The following KIF13A variants were observed in gnomAD, a reference collection of about 807,000 sequenced individuals.
The protein encoded by KIF13A is kinesin family member 13A, also known as kinesin-like protein KIF13A.
In KIF13A, 79 loss-of-function variants were observed where a neutral mutation model predicts 212.2. The observed-to-expected ratio is 0.37, with a 90% CI of 0.31 to 0.45. KIF13A has a LOEUF of 0.45. Among genes scored for constraint, KIF13A ranks in the 20% least tolerant of loss-of-function variants. The pLI, the probability that KIF13A is intolerant of heterozygous loss-of-function variation, is 1.00. For missense variants in KIF13A, 1,901 were observed against 2,209.0 expected (o/e 0.86, Z 2.79); for synonymous variants, 789 against 808.6 (o/e 0.98, Z 0.41).
At chr6:17,831,275 T>G in intron 12 of KIF13A, 40 bp from the exon 13 acceptor site, 1 of 1,595,024 alleles carries the variant, frequency 6.3e-7, no homozygotes, top group Non-Finnish European at 8.5e-7. Context: ...ACTCTGTTTG[T>G]TGTTCTATTC....
At chr6:17,790,590 A>G (rs1048174040) in intron 25 of KIF13A, among the ~76,000 whole-genome samples, 2 of 152,126 alleles carry the variant, frequency 1.3e-5, no homozygotes, top group African/African-American at 4.8e-5. Flanking sequence ...CTCTTGCCCA[A>G]TCTCAGTTTG....
rs957580986 is a variant in KIF13A, at chr6:17,934,231, C to T, written c.147-36051G>A. 1.3e-5 allele frequency among the ~76,000 whole-genome samples: 2 copies of T among 152,130 alleles called. No individual in the cohort carries two copies. Among genetic ancestry groups the T allele is most frequent in the African/African-American group, 4.8e-5 (2 of 41,418 alleles). On this transcript the variant is annotated intron_variant, in intron 2 of 38. Transcript: ENST00000259711. The surrounding 1 kb of genome is among the most constrained non-coding windows in gnomAD (Gnocchi z 5.4). ...TGTCTAATGGCCACAGGACATTGGC[C>T]TTCTTCAAATTCTTAAGTGACCTGT... is the stretch of plus-strand genomic sequence containing the variant.
chr6:17,766,159 C>T (rs968792769), intron 38 of KIF13A, among the ~76,000 whole-genome samples: 5 of 152,096 alleles, frequency 3.3e-5, no homozygotes. Flanking sequence ...GACCTGGAAC[C>T]GAAGCATCAG....
chr6:17,823,913 A>ATT (rs1297321390), intron 16 of KIF13A, among the ~76,000 whole-genome samples: 2 of 109,878 alleles, frequency 1.8e-5, no homozygotes, highest in African/African-American at 3.3e-5. Context: ...TTTAATTTAA[A>ATT]TTTCTTTTTT....
chr6:17,789,824 T>C lies in KIF13A; in HGVS notation c.3261+48A>G. 1 of 1,548,456 alleles carries C rather than the reference T, an allele frequency of 6.5e-7. No individual in the cohort carries two copies. Among genetic ancestry groups the C allele is most frequent in the Non-Finnish European group, 8.9e-7 (1 of 1,124,326 alleles). ...CCTCTGCTTTGCGAATGCTGGCAAT[T>C]AGCAGTAGCTGTGCCCCATGCCACA... On this transcript the variant is annotated intron_variant, in intron 26 of 38. Transcript: ENST00000259711. This position sits in a 1 kb window ranked among gnomAD's most constrained non-coding sequence, Gnocchi z 4.8.
In KIF13A at chr6:17,808,794, C is replaced by T. The variant is rs1442077923; in HGVS notation, c.2137G>A (p.Ala713Thr). ...TDYQVTLQIP[A>T]ANLSANRKRG... Reference sequence around the variant, plus strand: ...TTCCTATTGGCACTGAGGTTTGCAGCAGGGATCTGAAGAGTCACTTGGTAA... The same window carrying T: ...TTCCTATTGGCACTGAGGTTTGCAGTAGGGATCTGAAGAGTCACTTGGTAA... Residue 713 changes from alanine (A) to threonine (T), a missense_variant, in exon 18 of 39, where the codon GCT becomes ACT. Ala to Thr is a moderately conservative substitution (Grantham distance 58, BLOSUM62 0). Around this residue, in one of 5 missense-constraint regions of KIF13A, gnomAD observed 534 missense variants for 536.9 expected, o/e 0.99. Transcript: ENST00000259711. The T allele has an allele frequency of 6.2e-7, 1 of 1,613,644 alleles. No homozygotes were observed. The highest frequency in any genetic ancestry group is 1.1e-5 in the South Asian group (1 of 91,026).
chr6:17,967,461 TAAAG>T lies in KIF13A; in HGVS notation c.146+19589_146+19592del, dbSNP rs1317577087. On this transcript the variant is annotated intron_variant, in intron 2 of 38. Transcript: ENST00000259711. The surrounding 1 kb of genome is among the most constrained non-coding windows in gnomAD (Gnocchi z 4.1). ...ATATTAAAAACAAAGTTCTTATGAA[TAAAG>T]AAAGAGAGAACTCATCTTATGCTCA... Among the ~76,000 whole-genome samples the T allele has an allele frequency of 2.6e-5, 4 of 152,174 alleles. No homozygotes were observed.
At position 17,773,625 on chromosome 6, in the gene KIF13A, C is replaced by T. The variant is rs1759682847; in HGVS notation, c.4219-42G>A. 1 of 1,148,462 alleles carries T rather than the reference C, an allele frequency of 8.7e-7. No individual in the cohort carries two copies. Among genetic ancestry groups the T allele is most frequent in the Middle Eastern group, 2.0e-4 (1 of 4,954 alleles). The allele number at this position is 1,148,462 out of a possible 1,614,324, so 71.1% of individuals were successfully genotyped here. A position where few individuals can be genotyped will look rare whatever the true frequency, so the allele number is the denominator to read the frequency against. On this transcript the variant is annotated intron_variant, in intron 35 of 38. Transcript: ENST00000259711. This position sits in a 1 kb window ranked among gnomAD's most constrained non-coding sequence, Gnocchi z 4.2. ...TGGGTTAACTGTAATTGAATCACTC[C>T]AAAATAAGAAATAAAGCCCAGGTTG... is the stretch of plus-strand genomic sequence containing the variant.
chr6:17,806,715 A>AATTG lies in KIF13A; in HGVS notation c.2164-1101_2164-1100insCAAT, dbSNP rs1762979713. ...ACTAACATGGTGAAACCCTGCCTCTACTAAAAATACAAAATTAGCTTGGTG... is the reference window on the plus strand; with the variant it reads ...ACTAACATGGTGAAACCCTGCCTCTAATTGCTAAAAATACAAAATTAGCTTGGTG... On this transcript the variant is annotated intron_variant, in intron 18 of 38. Transcript: ENST00000259711. 2.0e-5 allele frequency among the ~76,000 whole-genome samples: 3 copies of AATTG among 152,226 alleles called. No homozygotes were observed. In the South Asian group the frequency reaches 6.2e-4, roughly 32 times the overall value.
rs374751381 is a variant in KIF13A at position 17,836,860 on chromosome 6, G to A, written c.1155+18C>T. On this transcript the variant is annotated intron_variant, in intron 11 of 38. Transcript: ENST00000259711. ...AGCCAGGGAACTTTACCAGCAGGGA[G>A]TACCAGGCTGCTTTTACCTCTGCCT... 5.8e-5 allele frequency: 93 copies of A among 1,609,132 alleles called. No homozygotes were observed. Among genetic ancestry groups the A allele is most frequent in the Non-Finnish European group, 7.9e-5 (93 of 1,175,968 alleles).
chr6:17,920,022 A>G (rs567872521), intron 2 of KIF13A, among the ~76,000 whole-genome samples: 44 of 152,350 alleles, frequency 2.9e-4, no homozygotes, highest in South Asian at 6.2e-4. Flanking sequence ...AAGATTCTAG[A>G]CAATTTCAAT....
rs140823907 is a variant in KIF13A, at chr6:17,839,121, A to C, written c.831-1538T>G. Among the ~76,000 whole-genome samples, 1 of 152,150 alleles carries C rather than the reference A, an allele frequency of 6.6e-6. No homozygotes were observed. Among genetic ancestry groups the C allele is most frequent in the Admixed American group, 6.5e-5 (1 of 15,270 alleles). ...AGGCGTGAGCCACTGCGCCCAGCCA[A>C]GAAGCTTAATTAATACTTAATGAGT... On this transcript the variant is annotated intron_variant, in intron 9 of 38. Coordinates refer to ENST00000259711, the MANE Select transcript of KIF13A (RefSeq NM_022113.6). The surrounding 1 kb of genome is among the most constrained non-coding windows in gnomAD (Gnocchi z 4.3).
intron 3 of KIF13A, among the ~76,000 whole-genome samples, chr6:17,890,790 C>CTAATGATAATAATAA (rs1554110569): frequency 3.6e-5 from 5 of 139,138 alleles, no homozygotes; most frequent in Non-Finnish European, 6.1e-5. Flanking sequence ...CTATGCCCAG[C>CTAATGATAATAATAA]TAATAATAAT....
At chr6:17,792,903 A>G (rs1761717406) in intron 25 of KIF13A, among the ~76,000 whole-genome samples, 1 of 152,192 alleles carries the variant, frequency 6.6e-6, no homozygotes, top group Admixed American at 6.5e-5. Flanking sequence ...GCTTACACTC[A>G]GACTCCATAG....
At chr6:17,956,883 A>G in intron 2 of KIF13A, among the ~76,000 whole-genome samples, 1 of 135,498 alleles carries the variant, frequency 7.4e-6, no homozygotes, top group Middle Eastern at 3.8e-3. Flanking sequence ...CTTTCTGTTC[A>G]ATCACATTTT....
At chr6:17,791,459 G>C (rs760517734) in intron 25 of KIF13A, among the ~76,000 whole-genome samples, 1 of 144,500 alleles carries the variant, frequency 6.9e-6, no homozygotes, top group Non-Finnish European at 1.5e-5. Context: ...TGGCAGCAAA[G>C]AAAAAAAAAG....
chr6:17,955,873 C>G (rs1357457990), intron 2 of KIF13A, among the ~76,000 whole-genome samples: 1 of 152,154 alleles, frequency 6.6e-6, no homozygotes, highest in Non-Finnish European at 1.5e-5. Context: ...TAAATACATG[C>G]AAATTTATGC....
Position 17,837,498 on chromosome 6 carries a change from C to T in KIF13A, c.916G>A (p.Asp306Asn). The T allele has an allele frequency of 6.2e-7, 1 of 1,606,920 alleles. No individual in the cohort carries two copies. Among genetic ancestry groups the T allele is most frequent in the South Asian group, 1.1e-5 (1 of 89,320 alleles). ...KGKSKFVPYR[D>N]SVLTWLLKDN... ...TTAAGCAGCCAAGTGAGGACTGAAT[C>T]TCGATAAGGCACAAATTTGCTTTTA... Residue 306 changes from aspartate (D) to asparagine (N), a missense_variant, in exon 10 of 39, where the codon GAT becomes AAT. Asp to Asn is a conservative substitution (Grantham distance 23). Around this residue, in one of 5 missense-constraint regions of KIF13A, gnomAD observed 506 missense variants for 637.4 expected, o/e 0.79. Coordinates refer to ENST00000259711, the MANE Select transcript of KIF13A (RefSeq NM_022113.6). This position sits in a 1 kb window ranked among gnomAD's most constrained non-coding sequence, Gnocchi z 5.4.
Position 17,934,857 on chromosome 6 carries a change from T to A in KIF13A, c.147-36677A>T, listed in dbSNP as rs1212023154. 2.6e-5 allele frequency among the ~76,000 whole-genome samples: 4 copies of A among 151,952 alleles called. No individual in the cohort carries two copies. The highest frequency in any genetic ancestry group is 4.4e-5 in the Non-Finnish European group (3 of 68,030). The stretch of plus-strand genomic sequence containing the variant: ...TGTCATAAATATGGCCACCATCTAA[T>A]GTAAAATGTGACTCAATTTTCACTA... On this transcript the variant is annotated intron_variant, in intron 2 of 38. Transcript: ENST00000259711. The surrounding 1 kb of genome is among the most constrained non-coding windows in gnomAD (Gnocchi z 5.4).
Sources: allele counts gnomAD v4.1 joint callset (sites outside exome capture counted in the v4.1 genomes callset), GRCh38; gene constraint gnomAD v4.1.1; regional missense constraint gnomAD v4.1.1; non-coding constraint Gnocchi (gnomAD v3.1); transcripts MANE v1.5; gene names NCBI Gene and HGNC (gene_info 2026-07-23, HGNC 2026-07-21).